AFAP1L2: variants seen among roughly 807,000 people sequenced by gnomAD.
AFAP1L2 encodes actin filament-associated protein 1-like 2.
In AFAP1L2, 46 loss-of-function variants were observed where a neutral mutation model predicts 99.3. That is an observed-to-expected ratio of 0.46 (90% CI 0.37 to 0.59). The LOEUF is 0.59. AFAP1L2 is among the 20% of genes least tolerant of loss of function. AFAP1L2 has a pLI of 0.00. For missense variants in AFAP1L2, 959 were observed against 1,034.9 expected (o/e 0.93, Z 1.01); for synonymous variants, 397 against 419.1 (o/e 0.95, Z 0.64).
At chr10:114,401,158 A>G (rs1392697565) in intron 1 of AFAP1L2, among the ~76,000 whole-genome samples, 2 of 152,240 alleles carry the variant, frequency 1.3e-5, no homozygotes, top group Non-Finnish European at 2.9e-5. Flanking sequence ...GAACCGCAGA[A>G]AAAGAATAAT....
chr10:114,296,021 T>A lies in AFAP1L2; in HGVS notation c.*21A>T. On this transcript the variant is annotated 3_prime_UTR_variant, in exon 19 of 19. Coordinates refer to ENST00000304129, the MANE Select transcript of AFAP1L2 (RefSeq NM_001001936.3). ...ACCAAGGTCCACATTGACATGAGAG[T>A]CTTTAGATGAAGCTTGTTTTCTAAC... The A allele has an allele frequency of 6.2e-7, 1 of 1,614,030 alleles. No individual in the cohort carries two copies.
chr10:114,282,446 A>C, the AFAP1L2 span: 1 of 1,258,352 alleles, frequency 7.9e-7, no homozygotes, highest in Non-Finnish European at 1.2e-6. Flanking sequence ...GGTGTTGTAA[A>C]TCATCTTCTG....
At position 114,308,393 on chromosome 10, in the gene AFAP1L2, A is replaced by T. The variant is rs1448123971; in HGVS notation, c.967+40T>A. On this transcript the variant is annotated intron_variant, in intron 9 of 18. Transcript: ENST00000304129. ...GTTGAGCCTGACAGCCCAGCCTCAC[A>T]GCCTGGGACACCATTCCCCTCCCAA... is the stretch of plus-strand genomic sequence containing the variant. The T allele has an allele frequency of 5.7e-6, 9 of 1,579,520 alleles. No homozygotes were observed. In the South Asian group the frequency reaches 7.8e-5, roughly 14 times the overall value.
intron 1 of AFAP1L2, among the ~76,000 whole-genome samples, chr10:114,372,704 T>G (rs4751649): frequency 0.54 from 82,097 of 151,774 alleles, 23,765 homozygotes; most frequent in East Asian, 0.68. Flanking sequence ...AAGCAACAAT[T>G]AAAACATATG....
At chr10:114,319,070 C>T (rs979048333) in intron 5 of AFAP1L2, among the ~76,000 whole-genome samples, 2 of 152,110 alleles carry the variant, frequency 1.3e-5, no homozygotes, top group African/African-American at 4.8e-5. Context: ...AGGAGAATCC[C>T]TTGAACCTGG....
chr10:114,385,078 C>G (rs2137630403), intron 1 of AFAP1L2, among the ~76,000 whole-genome samples: 1 of 152,252 alleles, frequency 6.6e-6, no homozygotes, highest in South Asian at 2.1e-4. Context: ...CCAGGGCTGG[C>G]TTCCAGGAGG....
rs1039807251 is a variant in AFAP1L2 at position 114,368,613 on chromosome 10, C to T, written c.17-27882G>A. 9.9e-5 allele frequency among the ~76,000 whole-genome samples: 15 copies of T among 152,044 alleles called. 1 individual carries two copies. The highest frequency in any genetic ancestry group is 9.8e-4 in the Admixed American group (15 of 15,250). The stretch of plus-strand genomic sequence containing the variant: ...TATTTTCTGTAGAGATGGGGTTTTG[C>T]CATGTTGCCCAGCTTGGTCTTAAAC... On this transcript the variant is annotated intron_variant, in intron 1 of 18. Coordinates refer to ENST00000304129, the MANE Select transcript of AFAP1L2 (RefSeq NM_001001936.3).
At chr10:114,290,736 G>A (rs1236152344), downstream of AFAP1L2, among the ~76,000 whole-genome samples, 2 of 152,210 alleles carry the variant, frequency 1.3e-5, no homozygotes, top group Non-Finnish European at 2.9e-5. Flanking sequence ...GTACAGGGAT[G>A]TAGACGGAGG....
intron 7 of AFAP1L2, 43 bp from the exon 8 acceptor site, chr10:114,310,486 G>A: frequency 1.3e-6 from 2 of 1,573,884 alleles, no homozygotes; most frequent in Non-Finnish European, 1.7e-6. Context: ...GAGGTCCTCT[G>A]GCCAGCACTC....
Position 114,310,520 on chromosome 10 carries a change from C to T in AFAP1L2, c.793-77G>A, listed in dbSNP as rs375885257. 33 of 1,367,120 alleles carry T rather than the reference C, an allele frequency of 2.4e-5. No homozygotes were observed. The African/African-American group carries it at 3.1e-4, about 13-fold the overall frequency. 84.7% of individuals were successfully genotyped at this position (1,367,120 alleles called of 1,614,324 possible). On this transcript the variant is annotated intron_variant, in intron 7 of 18. Coordinates refer to ENST00000304129, the MANE Select transcript of AFAP1L2 (RefSeq NM_001001936.3). Reference sequence around the variant, plus strand: ...TCACAGCCAGGCTGAAGCCAGGGCCCCTGCAGGTCAGGGGAGAGTGGGTGG... The same window carrying T: ...TCACAGCCAGGCTGAAGCCAGGGCCTCTGCAGGTCAGGGGAGAGTGGGTGG...
the AFAP1L2 span, chr10:114,281,697 G>A: frequency 3.1e-6 from 3 of 982,346 alleles, no homozygotes; most frequent in Admixed American, 6.1e-5. Context: ...CACACCTGGG[G>A]TGGAGGGGCG....
intron 1 of AFAP1L2, among the ~76,000 whole-genome samples, chr10:114,362,513 G>A (rs1191017923): frequency 1.3e-5 from 2 of 152,192 alleles, no homozygotes; most frequent in East Asian, 3.9e-4. Flanking sequence ...AGGAACACAG[G>A]GCACTCCCAA....
At chr10:114,384,331 C>CG (rs1410804513) in intron 1 of AFAP1L2, among the ~76,000 whole-genome samples, 3 of 151,676 alleles carry the variant, frequency 2.0e-5, no homozygotes, top group African/African-American at 2.4e-5. Context: ...TCGTCCCCCC[C>CG]CCGCTGCAAG....
intron 3 of AFAP1L2, 52 bp downstream of exon 3, chr10:114,333,169 C>T: frequency 6.6e-7 from 1 of 1,517,002 alleles, no homozygotes; most frequent in Non-Finnish European, 9.1e-7. Context: ...TTGGACCTTC[C>T]CCCATCCCAG....
chr10:114,293,104 C>T (rs188102281), downstream of AFAP1L2, among the ~76,000 whole-genome samples: 5 of 152,270 alleles, frequency 3.3e-5, no homozygotes. Flanking sequence ...GCTAGAAAAG[C>T]GCTTGAAGCA....
Position 114,299,402 on chromosome 10 carries a change from G to A in AFAP1L2, c.1971C>T (p.Gly657=), listed in dbSNP as rs773785649. The change falls in exon 16 of 19, where the codon GGC becomes GGT. Residue 657 remains glycine (G), a synonymous_variant. Transcript: ENST00000304129. ...LRVTSAEIKL[G]KNRTEAEVKR... is the part of the protein sequence containing the mutation. ...TCACCTCAGCTTCTGTCCGATTCTT[G>A]CCAAGCTTGATCTCTACAGACCCAG... 1.2e-6 allele frequency: 2 copies of A among 1,614,064 alleles called. No homozygotes were observed. The highest frequency in any genetic ancestry group is 1.7e-6 in the Non-Finnish European group (2 of 1,180,018).
At chr10:114,361,769 T>G (rs1019353906) in intron 1 of AFAP1L2, among the ~76,000 whole-genome samples, 2 of 152,272 alleles carry the variant, frequency 1.3e-5, no homozygotes, top group Admixed American at 6.5e-5. Flanking sequence ...TGTTAGACCC[T>G]TAGATTTTGT....
chr10:114,351,033 C>T (rs1453853836), intron 1 of AFAP1L2, among the ~76,000 whole-genome samples: 1 of 152,132 alleles, frequency 6.6e-6, no homozygotes, highest in Non-Finnish European at 1.5e-5. Context: ...CAAAGGTTTG[C>T]CTGGGTATCT....
the AFAP1L2 span, among the ~76,000 whole-genome samples, chr10:114,287,153 C>T: frequency 6.6e-6 from 1 of 152,158 alleles, no homozygotes; most frequent in Admixed American, 6.5e-5. Flanking sequence ...GAGGCCTGGC[C>T]CATGGCCAGA....
Sources: allele counts gnomAD v4.1 joint callset (sites outside exome capture counted in the v4.1 genomes callset), GRCh38; gene constraint gnomAD v4.1.1; transcripts MANE v1.5; gene names NCBI Gene and HGNC (gene_info 2026-07-23, HGNC 2026-07-21).